The following RAB36 variants were observed in gnomAD, a reference collection of about 807,000 sequenced individuals.
RAB36 encodes the protein ras-related protein Rab-36.
RAB36 carries 33 observed loss-of-function variants against 39.3 expected under a neutral mutation model. That is an observed-to-expected ratio of 0.84 (90% CI 0.64 to 1.12). The LOEUF (loss-of-function observed/expected upper bound fraction) is 1.12. Ranked by LOEUF, RAB36 falls within the 50% of genes most tolerant of loss-of-function variation. The pLI is 0.00. For missense variants in RAB36, 308 were observed against 355.3 expected, an observed-to-expected ratio of 0.87 and a Z score of 1.07; for synonymous variants, 133 against 140.2, an observed-to-expected ratio of 0.95 and a Z score of 0.36.
chr22:23,151,300 G>T (rs964417978), intron 3 of RAB36, among the ~76,000 whole-genome samples: 3 of 152,224 alleles, frequency 2.0e-5, no homozygotes, highest in Non-Finnish European at 4.4e-5. Context: ...CAGCACTGGA[G>T]GTGGGGAAAC....
chr22:23,145,689 G>T, intron 1 of RAB36, 138 bp downstream of exon 1: 1 of 1,086,082 alleles, frequency 9.2e-7, no homozygotes. Context: ...CTGCGGCCCC[G>T]GGGCGTCCTC....
At chr22:23,156,671 C>T (rs180969286) in intron 6 of RAB36, among the ~76,000 whole-genome samples, 7 of 152,350 alleles carry the variant, frequency 4.6e-5, no homozygotes, top group East Asian at 1.9e-4. Flanking sequence ...TATGTCTACT[C>T]GGTAGTGGTG....
Position 23,165,261 on chromosome 22 carries a change from ACT to A in RAB36, c.*3700_*3701del, listed in dbSNP as rs779685090. 6.6e-6 allele frequency among the ~76,000 whole-genome samples: 1 copy of A among 152,186 alleles called. No individual in the cohort carries two copies. The highest frequency in any genetic ancestry group is 1.5e-5 in the Non-Finnish European group (1 of 68,026). On this transcript the variant is annotated 3_prime_UTR_variant, in exon 11 of 11. Transcript: ENST00000263116. ...ACCATGTTCCCAGCAGACAGATTGC[ACT>A]CTGACCCAGATGCCACCACACGAAA...
intron 5 of RAB36, among the ~76,000 whole-genome samples, chr22:23,154,186 C>G (rs1344724359): frequency 1.3e-5 from 2 of 152,124 alleles, no homozygotes; most frequent in Non-Finnish European, 2.9e-5. Flanking sequence ...GGCTCGGGCC[C>G]TCACCTCTAC....
intron 10 of RAB36, 53 bp from the exon 11 acceptor site, chr22:23,161,447 T>C (rs2071793017): frequency 1.4e-6 from 2 of 1,465,702 alleles, no homozygotes; most frequent in Non-Finnish European, 9.5e-7. Flanking sequence ...CCCTGCCCAG[T>C]GTCAGCTACA....
chr22:23,159,164 CAG>C lies in RAB36; in HGVS notation c.531_532del (p.Ala179ArgfsTer3), dbSNP rs1298111925. 11 of 1,611,162 alleles carry C rather than the reference CAG, an allele frequency of 6.8e-6. No homozygotes were observed. The highest frequency in any genetic ancestry group is 7.6e-6 in the Non-Finnish European group (9 of 1,179,014). On this transcript the variant is annotated frameshift_variant and splice_region_variant, in exon 9 of 11. Coordinates refer to ENST00000263116, the MANE Select transcript of RAB36 (RefSeq NM_004914.5). LOFTEE classifies it high-confidence loss of function. Reference sequence around the variant, plus strand: ...GTCAACAAGGGCCATTTCTCCCAGTCAGGGGCCGCATGTGAGCAGGCCGAAGC... The same window carrying C: ...GTCAACAAGGGCCATTTCTCCCAGTCGGGCCGCATGTGAGCAGGCCGAAGC...
chr22:23,152,103 C>T (rs2071177428), intron 3 of RAB36, among the ~76,000 whole-genome samples: 1 of 152,252 alleles, frequency 6.6e-6, no homozygotes, highest in Non-Finnish European at 1.5e-5. Context: ...AGCTCCCGGA[C>T]AGCACAGACG....
downstream of RAB36, among the ~76,000 whole-genome samples, chr22:23,166,147 TAAAAAAAAAAAAA>T (rs695297): frequency 1.3e-3 from 78 of 59,888 alleles, 1 homozygote; most frequent in African/African-American, 4.7e-3. Context: ...CTCTGTCTTT[TAAAAAAAAAAAAA>T]AAAAAAAAAA....
chr22:23,159,285 G>A (rs762844451), intron 9 of RAB36, 32 bp downstream of exon 9: 21 of 1,545,314 alleles, frequency 1.4e-5, no homozygotes, highest in African/African-American at 2.7e-5. Context: ...CCATGGTGGG[G>A]CAGAGCCCTG....
Position 23,145,564 on chromosome 22 carries a change from G to T in RAB36, c.-13+13G>T, listed in dbSNP as rs774538697. The T allele has an allele frequency of 1.3e-6, 2 of 1,596,046 alleles. No homozygotes were observed. Among genetic ancestry groups the T allele is most frequent in the South Asian group, 1.1e-5 (1 of 90,730 alleles). ...ACAGCCATCGCTGGTGAGTCAGCTC[G>T]CCCACTCTGTCCGACCCTCCCGGTC... On this transcript the variant is annotated intron_variant, in intron 1 of 10. Coordinates refer to ENST00000263116, the MANE Select transcript of RAB36 (RefSeq NM_004914.5).
chr22:23,145,421 A>G (rs987496160), upstream of RAB36: 5 of 1,610,562 alleles, frequency 3.1e-6, no homozygotes, highest in African/African-American at 6.7e-5. Flanking sequence ...AGTCCAACGC[A>G]GACCCCGCCC....
chr22:23,158,982 G>T lies in RAB36; in HGVS notation c.528+3G>T. 6.2e-7 allele frequency: 1 copy of T among 1,613,942 alleles called. No individual in the cohort carries two copies. The highest frequency in any genetic ancestry group is 8.5e-7 in the Non-Finnish European group (1 of 1,179,806). ...TGGGAACCAAGAAGGACCTTCTGGT[G>T]AGCAGAGTGGCACTGGTGGTCTGGG... On this transcript the variant is annotated splice_donor_region_variant and intron_variant, in intron 8 of 10. Transcript: ENST00000263116.
At chr22:23,159,044 T>C in intron 8 of RAB36, 65 bp downstream of exon 8, 3 of 1,587,780 alleles carry the variant, frequency 1.9e-6, no homozygotes, top group Non-Finnish European at 1.7e-6. Context: ...ACAGCCCTCA[T>C]TGGAGGAGCC....
intron 3 of RAB36, 79 bp from the exon 4 acceptor site, chr22:23,152,382 C>A: frequency 2.1e-6 from 3 of 1,458,658 alleles, no homozygotes; most frequent in Non-Finnish European, 2.9e-6. Context: ...GCAGAGAGCT[C>A]AGGGAAGGAA....
At chr22:23,149,214 G>A (rs1182315474) in intron 2 of RAB36, among the ~76,000 whole-genome samples, 3 of 141,606 alleles carry the variant, frequency 2.1e-5, no homozygotes, top group Non-Finnish European at 3.1e-5. Context: ...GGCGGGGGGC[G>A]GGACCCTTGC....
chr22:23,158,399 T>A (rs1429200405), intron 7 of RAB36, among the ~76,000 whole-genome samples: 2 of 152,218 alleles, frequency 1.3e-5, no homozygotes, highest in Non-Finnish European at 2.9e-5. Flanking sequence ...CTGAAAACTG[T>A]ATAGCCAGTC....
intron 9 of RAB36, 84 bp from the exon 10 acceptor site, chr22:23,160,795 A>C: frequency 2.0e-6 from 3 of 1,537,286 alleles, no homozygotes; most frequent in Non-Finnish European, 2.7e-6. Context: ...ACCTGAGGGT[A>C]GGCTAGCCTG....
chr22:23,166,156 A>T (rs2072048055), downstream of RAB36, among the ~76,000 whole-genome samples: 1 of 145,514 alleles, frequency 6.9e-6, no homozygotes, highest in Non-Finnish European at 1.5e-5. Flanking sequence ...TTAAAAAAAA[A>T]AAAAAAAAAA....
chr22:23,147,221 A>G lies in RAB36; in HGVS notation c.69+536A>G, dbSNP rs551371352. On this transcript the variant is annotated intron_variant, in intron 2 of 10. Coordinates refer to ENST00000263116, the MANE Select transcript of RAB36 (RefSeq NM_004914.5). Reference sequence around the variant, plus strand: ...TCTCTTGTGTCTGTATTAAAATCCAATATTAATTGCAGCAGGGAATACAAA... The same window carrying G: ...TCTCTTGTGTCTGTATTAAAATCCAGTATTAATTGCAGCAGGGAATACAAA... Among the ~76,000 whole-genome samples the G allele has an allele frequency of 3.9e-4, 59 of 152,140 alleles. 1 individual carries two copies. Among genetic ancestry groups the G allele is most frequent in the Admixed American group, 1.3e-4 (2 of 15,274 alleles).
Sources: gnomAD v4.1 joint callset for allele counts (sites outside exome capture counted in the v4.1 genomes callset) on GRCh38, gnomAD v4.1.1 for gene constraint, MANE v1.5 for transcripts, NCBI Gene and HGNC (gene_info 2026-07-23, HGNC 2026-07-21) for gene names.